MBNL1: variants seen among roughly 807,000 people sequenced by gnomAD.
MBNL1 encodes muscleblind-like protein 1.
A neutral mutation model predicts 42.2 loss-of-function variants in MBNL1; 8 were observed. That is an observed-to-expected ratio of 0.19 (90% CI 0.11 to 0.34). The LOEUF (loss-of-function observed/expected upper bound fraction) is 0.34, where lower values mean the gene tolerates loss of function less well. MBNL1 is among the 10% of genes least tolerant of loss of function. The pLI is 1.00. For synonymous variants in MBNL1, 169 were observed against 173.9 expected (o/e 0.97, Z 0.22); for missense variants, 309 against 495.3 (o/e 0.62, Z 3.57).
intron 2 of MBNL1, among the ~76,000 whole-genome samples, chr3:152,389,729 C>G (rs557368814): frequency 5.3e-5 from 8 of 152,122 alleles, no homozygotes; most frequent in African/African-American, 1.7e-4. Flanking sequence ...GGAAGTTGTT[C>G]TGGATGAGTG....
chr3:152,436,506 C>T (rs1202986142), intron 4 of MBNL1, among the ~76,000 whole-genome samples: 1 of 152,172 alleles, frequency 6.6e-6, no homozygotes, highest in Non-Finnish European at 1.5e-5. Flanking sequence ...GGATCCTCAG[C>T]ATGTGAAGCA....
At chr3:152,330,629 C>G (rs1278996918) in intron 2 of MBNL1, among the ~76,000 whole-genome samples, 3 of 152,092 alleles carry the variant, frequency 2.0e-5, no homozygotes, top group African/African-American at 7.2e-5. Flanking sequence ...ACAGTAATCC[C>G]CCCTTATCTG....
At chr3:152,314,346 C>A (rs1464265452) in intron 2 of MBNL1, among the ~76,000 whole-genome samples, 1 of 151,460 alleles carries the variant, frequency 6.6e-6, no homozygotes, top group South Asian at 2.1e-4. Flanking sequence ...CCAATTCTAG[C>A]CTGTTGAAAT....
chr3:152,437,398 A>G (rs991348138), intron 4 of MBNL1, among the ~76,000 whole-genome samples: 2 of 152,232 alleles, frequency 1.3e-5, no homozygotes, highest in African/African-American at 4.8e-5. Context: ...AAAATGTTAA[A>G]TTGGAAAACA....
At chr3:152,290,811 G>A (rs140867155) in intron 1 of MBNL1, among the ~76,000 whole-genome samples, 29 of 152,140 alleles carry the variant, frequency 1.9e-4, no homozygotes, top group Non-Finnish European at 2.2e-4. Context: ...ACATTGTAAC[G>A]GGAATAACAG....
intron 2 of MBNL1, among the ~76,000 whole-genome samples, chr3:152,322,575 T>A (rs2152430836): frequency 6.6e-6 from 1 of 152,190 alleles, no homozygotes; most frequent in South Asian, 2.1e-4. Flanking sequence ...GTCTGATAAC[T>A]GGGCTGGGAA....
intron 2 of MBNL1, among the ~76,000 whole-genome samples, chr3:152,394,300 C>G (rs990772616): frequency 1.3e-5 from 2 of 152,204 alleles, no homozygotes; most frequent in Non-Finnish European, 2.9e-5. Flanking sequence ...TATTTATATA[C>G]AGTGAGAAGA....
At chr3:152,346,881 T>TAAAAAAAAAAAAAAAAAA (rs35680881) in intron 2 of MBNL1, among the ~76,000 whole-genome samples, 1 of 141,848 alleles carries the variant, frequency 7.0e-6, no homozygotes, top group Admixed American at 7.0e-5. Flanking sequence ...TCACTTTAAT[T>TAAAAAAAAAAAAAAAAAA]AAAAAAAAAA....
chr3:152,361,187 T>A (rs2095912256), intron 2 of MBNL1, among the ~76,000 whole-genome samples: 1 of 152,140 alleles, frequency 6.6e-6, no homozygotes, highest in Admixed American at 6.6e-5. Context: ...TGTGCTGTTC[T>A]ATGTTAGGTG....
At chr3:152,253,089 C>T (rs916726209) in intron 2 of MBNL1, among the ~76,000 whole-genome samples, 1 of 152,124 alleles carries the variant, frequency 6.6e-6, no homozygotes, top group Non-Finnish European at 1.5e-5. Flanking sequence ...ACCTCCTCAA[C>T]TTTCTACCAA....
intron 1 of MBNL1, among the ~76,000 whole-genome samples, chr3:152,279,723 G>C (rs1471688947): frequency 6.6e-6 from 1 of 152,128 alleles, no homozygotes; most frequent in Non-Finnish European, 1.5e-5. Flanking sequence ...GGAAGCTTGT[G>C]AAGTTTGAAG....
intron 2 of MBNL1, among the ~76,000 whole-genome samples, chr3:152,393,840 G>T (rs1478190429): frequency 6.6e-6 from 1 of 152,090 alleles, no homozygotes; most frequent in Non-Finnish European, 1.5e-5. Flanking sequence ...GCATTATGTA[G>T]TTCACTAGTT....
intron 2 of MBNL1, among the ~76,000 whole-genome samples, chr3:152,367,259 T>C (rs1388757727): frequency 1.3e-5 from 2 of 151,690 alleles, no homozygotes; most frequent in East Asian, 1.9e-4. Flanking sequence ...CTCCCACTTA[T>C]GAGTTAGAAC....
chr3:152,331,466 T>A (rs2084484873), intron 2 of MBNL1, among the ~76,000 whole-genome samples: 2 of 152,196 alleles, frequency 1.3e-5, no homozygotes, highest in Non-Finnish European at 2.9e-5. Flanking sequence ...TTCAGATGAC[T>A]TAGTATTAAA....
Position 152,299,626 on chromosome 3 carries a change from G to T in MBNL1, c.-568G>T. ...TTTAGTGTTAAAAGAAAAGTTTGCT[G>T]AAAAAGTAAGATATCTTCTGCCAGG... On this transcript the variant is annotated 5_prime_UTR_variant, in exon 2 of 10. Transcript: ENST00000324210. 1 of 398,384 alleles carries T rather than the reference G, an allele frequency of 2.5e-6. No homozygotes were observed. Among genetic ancestry groups the T allele is most frequent in the Non-Finnish European group, 4.4e-6 (1 of 225,946 alleles). The allele number at this position is 398,384 out of a possible 1,614,324, so 24.7% of individuals were successfully genotyped here. A position where few individuals can be genotyped will look rare whatever the true frequency, so the allele number is the denominator to read the frequency against.
chr3:152,412,709 T>G (rs1036558418), intron 2 of MBNL1, among the ~76,000 whole-genome samples: 2 of 152,168 alleles, frequency 1.3e-5, no homozygotes, highest in African/African-American at 4.8e-5. Context: ...GCTATGTTCA[T>G]TGGCAGGATG....
chr3:152,378,605 T>C (rs1352957896), intron 2 of MBNL1, among the ~76,000 whole-genome samples: 1 of 152,042 alleles, frequency 6.6e-6, no homozygotes, highest in Non-Finnish European at 1.5e-5. Context: ...AGATTTTCTC[T>C]TTGAAATCTT....
At chr3:152,456,516 T>C (rs966851012) in intron 8 of MBNL1, among the ~76,000 whole-genome samples, 155 bp downstream of exon 8, 3 of 152,230 alleles carry the variant, frequency 2.0e-5, no homozygotes, top group Non-Finnish European at 4.4e-5. Context: ...GTTTCAAAGA[T>C]ACCTCTTGTT....
chr3:152,446,259 G>A (rs1189967547), intron 5 of MBNL1, among the ~76,000 whole-genome samples: 1 of 151,806 alleles, frequency 6.6e-6, no homozygotes, highest in Non-Finnish European at 1.5e-5. Context: ...TTTTAATGTT[G>A]TCATTTTTTT....
Sources: allele counts gnomAD v4.1 joint callset (sites outside exome capture counted in the v4.1 genomes callset), GRCh38; gene constraint gnomAD v4.1.1; transcripts MANE v1.5; gene names NCBI Gene and HGNC (gene_info 2026-07-23, HGNC 2026-07-21).